BMP2: variants seen among roughly 807,000 people sequenced by gnomAD.
The protein encoded by BMP2 is bone morphogenetic protein 2.
Under a neutral mutation model 28.8 loss-of-function variants are expected in BMP2, and 2 were observed. That is an observed-to-expected ratio of 0.07 (90% CI 0.03 to 0.22). The LOEUF is 0.22. Among genes scored for constraint, BMP2 ranks in the 10% least tolerant of loss-of-function variants. BMP2 has a pLI of 1.00. For synonymous variants in BMP2, 218 were observed against 204.3 expected, an observed-to-expected ratio of 1.07 and a Z score of -0.57; for missense variants, 437 against 517.7, an observed-to-expected ratio of 0.84 and a Z score of 1.51.
chr20:6,775,649 A>G (rs1050969977), intron 2 of BMP2, among the ~76,000 whole-genome samples: 9 of 152,046 alleles, frequency 5.9e-5, no homozygotes, highest in Non-Finnish European at 1.3e-4. Flanking sequence ...GCAATTTTGT[A>G]TGATTCAATC....
chr20:6,770,534 A>G, intron 2 of BMP2, 62 bp downstream of exon 2: 1 of 1,477,624 alleles, frequency 6.8e-7, no homozygotes, highest in Non-Finnish European at 9.1e-7. Flanking sequence ...CACCGTGGGC[A>G]GACTGCAGCC....
intron 2 of BMP2, 47 bp downstream of exon 2, chr20:6,770,519 C>T: frequency 6.6e-7 from 1 of 1,521,116 alleles, no homozygotes. Flanking sequence ...CCCTGCAAAG[C>T]CCTCCACCGT....
chr20:6,769,281 T>G (rs2122373738), intron 1 of BMP2, among the ~76,000 whole-genome samples: 1 of 152,288 alleles, frequency 6.6e-6, no homozygotes, highest in Non-Finnish European at 1.5e-5. Flanking sequence ...ATTCTTCAAG[T>G]GTTTCCGGGA....
At position 6,778,321 on chromosome 20, in the gene BMP2, G is replaced by A. The variant is rs762387512; in HGVS notation, c.423G>A (p.Thr141=). The A allele has an allele frequency of 1.3e-5, 21 of 1,614,024 alleles. No homozygotes were observed. The highest frequency in any genetic ancestry group is 9.9e-5 in the South Asian group (9 of 91,088). Reference sequence around the variant, plus strand: ...TCTTTAATTTAAGTTCTATCCCCACGGAGGAGTTTATCACCTCAGCAGAGC... The same window carrying A: ...TCTTTAATTTAAGTTCTATCCCCACAGAGGAGTTTATCACCTCAGCAGAGC... The part of the protein sequence containing the change: ...RFFFNLSSIP[T]EEFITSAELQ... Residue 141 remains threonine (T), a synonymous_variant, in exon 3 of 3, where the codon ACG becomes ACA. Transcript: ENST00000378827. The surrounding 1 kb of genome is among the most constrained non-coding windows in gnomAD (Gnocchi z 5.0).
chr20:6,772,542 GA>G lies in BMP2; in HGVS notation c.346+2076del, dbSNP rs1466948196. Among the ~76,000 whole-genome samples, 9 of 152,156 alleles carry G rather than the reference GA, an allele frequency of 5.9e-5. No individual in the cohort carries two copies. The South Asian group carries it at 1.2e-3, about 21-fold the overall frequency. On this transcript the variant is annotated intron_variant, in intron 2 of 2. Coordinates refer to ENST00000378827, the MANE Select transcript of BMP2 (RefSeq NM_001200.4). ...AACATCCTTGTGCCATGCATGCCAC[GA>G]AAAAAGTTTTTGGTAAACCATGTGA... is the stretch of plus-strand genomic sequence containing the variant.
At chr20:6,776,724 A>G (rs1986507760) in intron 2 of BMP2, among the ~76,000 whole-genome samples, 1 of 152,224 alleles carries the variant, frequency 6.6e-6, no homozygotes, top group African/African-American at 2.4e-5. Flanking sequence ...TTAGTTTGGT[A>G]TAAACTGCCC....
rs974052081 is a variant in BMP2 at position 6,770,143 on chromosome 20, G to A, written c.17G>A (p.Arg6His). 1 of 1,553,296 alleles carries A rather than the reference G, an allele frequency of 6.4e-7. No homozygotes were observed. Reference sequence around the variant, plus strand: ...AGGTCGACCATGGTGGCCGGGACCCGCTGTCTTCTAGCGTTGCTGCTTCCC... The same window carrying A: ...AGGTCGACCATGGTGGCCGGGACCCACTGTCTTCTAGCGTTGCTGCTTCCC... MVAGT[R>H]CLLALLLPQV... Residue 6 changes from arginine to histidine, a missense_variant, in exon 2 of 3, where the codon CGC (arginine) becomes CAC (histidine). Physicochemically the swap from Arg to His is conservative, Grantham distance 29. Around this residue, in one of 2 missense-constraint regions of BMP2, gnomAD observed 363 missense variants for 392.8 expected, o/e 0.92. Coordinates refer to ENST00000378827, the MANE Select transcript of BMP2 (RefSeq NM_001200.4).
chr20:6,777,834 A>G (rs535019991), intron 2 of BMP2, among the ~76,000 whole-genome samples: 7 of 152,166 alleles, frequency 4.6e-5, no homozygotes, highest in South Asian at 4.1e-4. Flanking sequence ...AAGAAATGCA[A>G]TAATTTCCTC....
intron 2 of BMP2, among the ~76,000 whole-genome samples, chr20:6,775,248 G>A (rs184822490): frequency 1.4e-4 from 22 of 152,268 alleles, no homozygotes; most frequent in Non-Finnish European, 2.8e-4. Context: ...TTTCAAATAG[G>A]TTTTAATTTT....
At position 6,779,190 on chromosome 20, in the gene BMP2, T is replaced by TTA. The variant is rs1986572783; in HGVS notation, c.*101_*102insTA. 1 of 474,988 alleles carries TTA rather than the reference T, an allele frequency of 2.1e-6. No homozygotes were observed. The highest frequency in any genetic ancestry group is 3.0e-6 in the Non-Finnish European group (1 of 330,408). The allele number at this position is 474,988 out of a possible 1,614,324, so 29.4% of individuals were successfully genotyped here. A position where few individuals can be genotyped will look rare whatever the true frequency, so the allele number is the denominator to read the frequency against. ...AACCCCACCCCAGTTGACACTTTAA[T>TTA]ATTTCCCAATGAAGACTTTATTTAT... On this transcript the variant is annotated 3_prime_UTR_variant, in exon 3 of 3. Transcript: ENST00000378827.
chr20:6,770,605 T>A, intron 2 of BMP2, 133 bp downstream of exon 2: 1 of 873,350 alleles, frequency 1.1e-6, no homozygotes, highest in Non-Finnish European at 1.7e-6. Context: ...GCTTCTGTAC[T>A]ATCGTTTCTG....
At chr20:6,774,897 G>T (rs1568548762) in intron 2 of BMP2, among the ~76,000 whole-genome samples, 1 of 152,188 alleles carries the variant, frequency 6.6e-6, no homozygotes, top group Non-Finnish European at 1.5e-5. Flanking sequence ...TGAGGTAGAG[G>T]AATGATTGAT....
Position 6,778,415 on chromosome 20 carries a change from A to G in BMP2, c.517A>G (p.Ile173Val), listed in dbSNP as rs1329513102. 6.2e-7 allele frequency: 1 copy of G among 1,614,180 alleles called. No individual in the cohort carries two copies. Residue 173 changes from isoleucine to valine, a missense_variant, in exon 3 of 3, where the codon ATT becomes GTT. This residue lies in a region of BMP2 where 363 missense variants were observed against 392.8 expected (regional missense o/e 0.92). Transcript: ENST00000378827. This position sits in a 1 kb window ranked among gnomAD's most constrained non-coding sequence, Gnocchi z 5.0. Reference sequence around the variant, plus strand: ...TAGCAGTTTCCATCACCGAATTAATATTTATGAAATCATAAAACCTGCAAC... The same window carrying G: ...TAGCAGTTTCCATCACCGAATTAATGTTTATGAAATCATAAAACCTGCAAC... ...NNSSFHHRIN[I>V]YEIIKPATAN...
At chr20:6,770,060 G>T in intron 1 of BMP2, 60 bp from the exon 2 acceptor site, 1 of 1,460,694 alleles carries the variant, frequency 6.8e-7, no homozygotes, top group Non-Finnish European at 9.1e-7. Context: ...GGGCCGCGGG[G>T]GCGCGAGGGG....
In BMP2 at chr20:6,778,913, T is replaced by G; in HGVS notation, c.1015T>G (p.Ser339Ala). 6.2e-7 allele frequency: 1 copy of G among 1,614,032 alleles called. No homozygotes were observed. Among genetic ancestry groups the G allele is most frequent in the Non-Finnish European group, 8.5e-7 (1 of 1,180,014 alleles). ...CPFPLADHLN[S>A]TNHAIVQTLV... is the part of the protein sequence containing the mutation. The stretch of plus-strand genomic sequence containing the variant: ...TTTTCCTCTGGCTGATCATCTGAAC[T>G]CCACTAATCATGCCATTGTTCAGAC... The change falls in exon 3 of 3, where the codon TCC becomes GCC. Residue 339 changes from serine to alanine, a missense_variant. By Grantham distance (99) the Ser-to-Ala change is moderately conservative (BLOSUM62 1). Transcript: ENST00000378827. The surrounding 1 kb of genome is among the most constrained non-coding windows in gnomAD (Gnocchi z 5.0).
rs1030940741 is a variant in BMP2, at chr20:6,768,249, A to C, written c.-634A>C. On this transcript the variant is annotated 5_prime_UTR_variant, in exon 1 of 3. It removes an upstream start codon present in the reference 5' UTR. Coordinates refer to ENST00000378827, the MANE Select transcript of BMP2 (RefSeq NM_001200.4). ...CGGTGCTTTCAACTGGCGAGCGCGAATGGGGGTGCACTGGAGTAAGGCAGA... is the reference window on the plus strand; with the variant it reads ...CGGTGCTTTCAACTGGCGAGCGCGACTGGGGGTGCACTGGAGTAAGGCAGA... 10 of 397,554 alleles carry C rather than the reference A, an allele frequency of 2.5e-5. No individual in the cohort carries two copies. Among genetic ancestry groups the C allele is most frequent in the Non-Finnish European group, 4.4e-5 (10 of 225,534 alleles). The allele number at this position is 397,554 out of a possible 1,614,324, so 24.6% of individuals were successfully genotyped here.
Position 6,770,286 on chromosome 20 carries a change from G to A in BMP2, c.160G>A (p.Glu54Lys), listed in dbSNP as rs1986368281. The change falls in exon 2 of 3, where the codon GAG becomes AAG. Residue 54 changes from glutamate to lysine, a missense_variant. Around this residue, in one of 2 missense-constraint regions of BMP2, gnomAD observed 363 missense variants for 392.8 expected, o/e 0.92. Coordinates refer to ENST00000378827, the MANE Select transcript of BMP2 (RefSeq NM_001200.4). ...QPSDEVLSEF[E>K]LRLLSMFGLK... The stretch of plus-strand genomic sequence containing the variant: ...CTCTGACGAGGTCCTGAGCGAGTTC[G>A]AGTTGCGGCTGCTCAGCATGTTCGG... 1 of 1,613,422 alleles carries A rather than the reference G, an allele frequency of 6.2e-7. No homozygotes were observed. Among genetic ancestry groups the A allele is most frequent in the African/African-American group, 1.3e-5 (1 of 74,936 alleles).
rs1444159509 is a variant in BMP2, at chr20:6,768,529, G to A, written c.-354G>A. 4 of 391,378 alleles carry A rather than the reference G, an allele frequency of 1.0e-5. No individual in the cohort carries two copies. The highest frequency in any genetic ancestry group is 4.5e-5 in the Admixed American group (1 of 22,422). 24.2% of individuals were successfully genotyped at this position (391,378 alleles called of 1,614,324 possible). ...TTCCCTGCCCCGCACTCCTCCCCCT[G>A]CTCGCTGTTGTTGTGTGTCAGCACT... On this transcript the variant is annotated 5_prime_UTR_variant, in exon 1 of 3. Transcript: ENST00000378827.
chr20:6,779,026 G>A lies in BMP2; in HGVS notation c.1128G>A (p.Glu376=). 3 of 1,613,546 alleles carry A rather than the reference G, an allele frequency of 1.9e-6. No individual in the cohort carries two copies. Among genetic ancestry groups the A allele is most frequent in the Non-Finnish European group, 1.7e-6 (2 of 1,179,914 alleles). ...LSAISMLYLD[E]NEKVVLKNYQ... is the part of the protein sequence containing the mutation. ...CTATCTCGATGCTGTACCTTGACGA[G>A]AATGAAAAGGTTGTATTAAAGAACT... The change falls in exon 3 of 3, where the codon GAG becomes GAA. Residue 376 remains glutamate, a synonymous_variant. Transcript: ENST00000378827.
Sources: allele counts gnomAD v4.1 joint callset (sites outside exome capture counted in the v4.1 genomes callset), GRCh38; gene constraint gnomAD v4.1.1; regional missense constraint gnomAD v4.1.1; non-coding constraint Gnocchi (gnomAD v3.1); transcripts MANE v1.5; gene names NCBI Gene and HGNC (gene_info 2026-07-23, HGNC 2026-07-21).